HDAC4: variants seen among roughly 807,000 people sequenced by gnomAD.
HDAC4 encodes the protein histone deacetylase 4.
Under a neutral mutation model 135.1 loss-of-function variants are expected in HDAC4, and 16 were observed. The observed-to-expected ratio is 0.12, with a 90% CI of 0.08 to 0.18. The LOEUF (loss-of-function observed/expected upper bound fraction) is 0.18. Ranked by LOEUF, HDAC4 falls within the 10% of genes least tolerant of loss-of-function variation. HDAC4 has a pLI of 1.00. For missense variants in HDAC4, 1,143 were observed against 1,511.8 expected (o/e 0.76, Z 4.05); for synonymous variants, 685 against 653.4 (o/e 1.05, Z -0.74).
At chr2:239,371,268 C>A (rs1304217991) in intron 1 of HDAC4, among the ~76,000 whole-genome samples, 2 of 152,308 alleles carry the variant, frequency 1.3e-5, no homozygotes, top group Admixed American at 6.5e-5. Flanking sequence ...AACTCACACA[C>A]TCAATCACAT....
chr2:239,134,269 G>A lies in HDAC4; in HGVS notation c.1270C>T (p.Pro424Ser). The A allele has an allele frequency of 6.2e-7, 1 of 1,612,364 alleles. No homozygotes were observed. Among genetic ancestry groups the A allele is most frequent in the Non-Finnish European group, 8.5e-7 (1 of 1,179,996 alleles). ...CCTGTGACGAGGGGTGCTTGTGCCG[G>A]CGGCTGCTCCAGTAAGACCATGTGC... ...LQHMVLLEQP[P>S]AQAPLVTDWY... Residue 424 changes from proline (P) to serine (S), a missense_variant, in exon 11 of 27, where the codon CCG (proline) becomes TCG (serine). By Grantham distance (74) the Pro-to-Ser change is moderately conservative. Coordinates refer to ENST00000543185, the MANE Select transcript of HDAC4 (RefSeq NM_001378414.1).
chr2:239,079,687 C>T (rs562117108), intron 22 of HDAC4, among the ~76,000 whole-genome samples: 21 of 152,258 alleles, frequency 1.4e-4, no homozygotes, highest in African/African-American at 4.8e-4. Flanking sequence ...CAGGTGCACA[C>T]GAAGACATGT....
chr2:239,251,456 G>C (rs528210280), intron 2 of HDAC4, among the ~76,000 whole-genome samples: 2 of 152,290 alleles, frequency 1.3e-5, no homozygotes, highest in South Asian at 4.1e-4. Context: ...TCAGCTGGGT[G>C]TGGTGGCGTG....
intron 3 of HDAC4, among the ~76,000 whole-genome samples, chr2:239,201,093 C>T (rs1209499148): frequency 6.6e-6 from 1 of 152,184 alleles, no homozygotes; most frequent in Non-Finnish European, 1.5e-5. Context: ...AGGGACACCC[C>T]GCTTGACAGG....
intron 2 of HDAC4, among the ~76,000 whole-genome samples, chr2:239,274,904 G>C (rs999741316): frequency 6.6e-6 from 1 of 152,238 alleles, no homozygotes; most frequent in Non-Finnish European, 1.5e-5. Context: ...AAGGAGGGGA[G>C]GGGCATGGTG....
chr2:239,231,339 T>G (rs1258271538), intron 3 of HDAC4, among the ~76,000 whole-genome samples: 1 of 152,158 alleles, frequency 6.6e-6, no homozygotes, highest in Non-Finnish European at 1.5e-5. Context: ...TTTCTGAGGA[T>G]GTCTTTCTCC....
chr2:239,128,319 G>A (rs1303188780), intron 11 of HDAC4, among the ~76,000 whole-genome samples: 1 of 20,726 alleles, frequency 4.8e-5, no homozygotes, highest in Admixed American at 7.2e-4. Context: ...GAGGTGGGTG[G>A]ATCACCTGAG....
intron 2 of HDAC4, among the ~76,000 whole-genome samples, chr2:239,252,834 T>C (rs1447496937): frequency 6.6e-6 from 1 of 152,234 alleles, no homozygotes; most frequent in Non-Finnish European, 1.5e-5. Flanking sequence ...TTTTTGAATT[T>C]TGAAGAAGCA....
chr2:239,084,806 A>G (rs1362487973), intron 19 of HDAC4, among the ~76,000 whole-genome samples: 1 of 147,470 alleles, frequency 6.8e-6, no homozygotes, highest in East Asian at 2.0e-4. Context: ...CACACACCCC[A>G]CACCCCACAG....
chr2:239,078,158 C>T (rs900111174), intron 22 of HDAC4, among the ~76,000 whole-genome samples: 2 of 152,198 alleles, frequency 1.3e-5, no homozygotes, highest in Non-Finnish European at 2.9e-5. Context: ...AGCCCCCACC[C>T]CCAGCGGCTC....
intron 21 of HDAC4, among the ~76,000 whole-genome samples, chr2:239,081,443 C>T (rs760082820): frequency 2.7e-4 from 41 of 152,244 alleles, no homozygotes; most frequent in Non-Finnish European, 3.2e-4. Context: ...CTGCCCTTGG[C>T]ACACCAAGGC....
chr2:239,346,038 ACC>A (rs1692625501), intron 2 of HDAC4, among the ~76,000 whole-genome samples: 1 of 139,072 alleles, frequency 7.2e-6, no homozygotes, highest in Non-Finnish European at 1.5e-5. Flanking sequence ...ACACATACAC[ACC>A]GTCTGAAACA....
At chr2:239,351,998 G>A (rs887744854) in intron 2 of HDAC4, among the ~76,000 whole-genome samples, 5 of 152,146 alleles carry the variant, frequency 3.3e-5, no homozygotes, top group Admixed American at 6.5e-5. Flanking sequence ...GCACGCTCTC[G>A]GTGACTTTCC....
At position 239,111,520 on chromosome 2, in the gene HDAC4, T is replaced by G. The variant is rs765231275; in HGVS notation, c.1978+6A>C. The G allele has an allele frequency of 6.2e-7, 1 of 1,611,146 alleles. No individual in the cohort carries two copies. The highest frequency in any genetic ancestry group is 1.1e-5 in the South Asian group (1 of 90,648). The stretch of plus-strand genomic sequence containing the variant: ...ACCCTCAGGCTGCACAAAGGCCACG[T>G]GTTACCTGTCGTGAACCTCGGCTTG... On this transcript the variant is annotated splice_donor_region_variant and intron_variant, in intron 14 of 26. Transcript: ENST00000543185.
chr2:239,325,857 C>T (rs887441209), intron 2 of HDAC4, among the ~76,000 whole-genome samples: 1 of 151,832 alleles, frequency 6.6e-6, no homozygotes, highest in Non-Finnish European at 1.5e-5. Context: ...CCCAGCTACT[C>T]GGGAGGCTGA....
chr2:239,396,016 A>C (rs570019018), intron 1 of HDAC4, among the ~76,000 whole-genome samples: 1 of 152,250 alleles, frequency 6.6e-6, no homozygotes, highest in South Asian at 2.1e-4. Context: ...TCGCTGTGTC[A>C]CTCAGGCTGA....
chr2:239,197,701 T>G (rs2045482861), intron 3 of HDAC4, among the ~76,000 whole-genome samples: 1 of 152,224 alleles, frequency 6.6e-6, no homozygotes, highest in Non-Finnish European at 1.5e-5. Context: ...TTTTGCTATT[T>G]TGTTTCTAAC....
chr2:239,174,583 T>C (rs559427758), intron 5 of HDAC4, among the ~76,000 whole-genome samples: 2 of 152,332 alleles, frequency 1.3e-5, no homozygotes, highest in East Asian at 3.9e-4. Flanking sequence ...TTGAAAACTT[T>C]TGGGCATCAC....
chr2:239,139,612 G>A lies in HDAC4; in HGVS notation c.978+72C>T, dbSNP rs1308745766. 4 of 1,325,992 alleles carry A rather than the reference G, an allele frequency of 3.0e-6. No individual in the cohort carries two copies. Among genetic ancestry groups the A allele is most frequent in the African/African-American group, 1.4e-5 (1 of 69,372 alleles). 82.1% of individuals were successfully genotyped at this position (1,325,992 alleles called of 1,614,324 possible). ...AAGAGTGAAGGGCAAGTGCAAAGTG[G>A]GGTCATTTCAAGCTCATCCGTCCCG... On this transcript the variant is annotated intron_variant, in intron 9 of 26. Transcript: ENST00000543185. This position sits in a 1 kb window ranked among gnomAD's most constrained non-coding sequence, Gnocchi z 5.3.
Sources: allele counts gnomAD v4.1 joint callset (sites outside exome capture counted in the v4.1 genomes callset), GRCh38; gene constraint gnomAD v4.1.1; non-coding constraint Gnocchi (gnomAD v3.1); transcripts MANE v1.5; gene names NCBI Gene and HGNC (gene_info 2026-07-23, HGNC 2026-07-21).